ST8SIA2: variants seen among roughly 807,000 people sequenced by gnomAD.
ST8SIA2 encodes the protein alpha-2,8-sialyltransferase 8B.
In ST8SIA2, 22 loss-of-function variants were observed where a neutral mutation model predicts 37.6. The observed-to-expected ratio is 0.58, with a 90% confidence interval of 0.42 to 0.83. The LOEUF (loss-of-function observed/expected upper bound fraction) is 0.83. Ranked by LOEUF, ST8SIA2 falls within the 40% of genes least tolerant of loss-of-function variation. The pLI is 0.00. For missense variants in ST8SIA2, 382 were observed against 484.7 expected, an observed-to-expected ratio of 0.79 and a Z score of 1.99; for synonymous variants, 205 against 201.2, an observed-to-expected ratio of 1.02 and a Z score of -0.16.
Position 92,414,136 on chromosome 15 carries a change from G to C in ST8SIA2, c.99-15913G>C, listed in dbSNP as rs80225563. Among the ~76,000 whole-genome samples the C allele has an allele frequency of 1.7e-3, 252 of 152,328 alleles. 2 individuals carry two copies. Among genetic ancestry groups the C allele is most frequent in the African/African-American group, 5.7e-3 (239 of 41,572 alleles). ...GCCTTCTGCACAGCCTGAACGTCCTGATGGAATCTGCTGGAAATATTCAAA... is the reference window on the plus strand; with the variant it reads ...GCCTTCTGCACAGCCTGAACGTCCTCATGGAATCTGCTGGAAATATTCAAA... On this transcript the variant is annotated intron_variant, in intron 1 of 5. Transcript: ENST00000268164.
chr15:92,395,527 G>T (rs1197700302), intron 1 of ST8SIA2, among the ~76,000 whole-genome samples: 1 of 152,114 alleles, frequency 6.6e-6, no homozygotes, highest in Non-Finnish European at 1.5e-5. Context: ...CCCTCTCCCT[G>T]CCTCTTTCTC....
intron 1 of ST8SIA2, among the ~76,000 whole-genome samples, chr15:92,426,487 G>A (rs79466431): frequency 0.033 from 5,042 of 152,230 alleles, 279 homozygotes; most frequent in African/African-American, 0.11. Context: ...GTAAGAACTG[G>A]CATGGAAAAG....
intron 1 of ST8SIA2, among the ~76,000 whole-genome samples, chr15:92,399,608 A>G (rs1026941443): frequency 7.9e-6 from 1 of 127,100 alleles, no homozygotes; most frequent in East Asian, 2.2e-4. Flanking sequence ...TTTTTTTTTA[A>G]AAAAGCCCAT....
chr15:92,466,947 T>C lies in ST8SIA2; in HGVS notation c.*2562T>C, dbSNP rs1869774. Reference sequence around the variant, plus strand: ...TGGGTGGCCCCAGGGAGTCACACAGTCTGTACCCGGCCCCGAGATCCTCTG... The same window carrying C: ...TGGGTGGCCCCAGGGAGTCACACAGCCTGTACCCGGCCCCGAGATCCTCTG... On this transcript the variant is annotated 3_prime_UTR_variant, in exon 6 of 6. Coordinates refer to ENST00000268164, the MANE Select transcript of ST8SIA2 (RefSeq NM_006011.4). The C allele has an allele frequency of 0.75, 113,632 of 152,034 alleles. 43,178 individuals carry two copies. Among genetic ancestry groups the C allele is most frequent in the East Asian group, 0.93 (4,743 of 5,122 alleles). The allele number at this position is 152,034 out of a possible 1,614,324, so 9.4% of individuals were successfully genotyped here.
chr15:92,446,362 G>T (rs1324106552), intron 5 of ST8SIA2, among the ~76,000 whole-genome samples: 1 of 152,220 alleles, frequency 6.6e-6, no homozygotes, highest in Admixed American at 6.5e-5. Flanking sequence ...CAAGGCAGAA[G>T]CTGCATCACA....
chr15:92,443,087 TC>T (rs1318973767), intron 4 of ST8SIA2, among the ~76,000 whole-genome samples: 10 of 152,126 alleles, frequency 6.6e-5, no homozygotes, highest in Non-Finnish European at 4.4e-5. Context: ...CCACTTTTTC[TC>T]CCCAGTTGTT....
chr15:92,403,272 G>A (rs1398531183), intron 1 of ST8SIA2, among the ~76,000 whole-genome samples: 1 of 152,142 alleles, frequency 6.6e-6, no homozygotes, highest in Non-Finnish European at 1.5e-5. Flanking sequence ...TGACTCCATG[G>A]TCCATCTGGT....
At chr15:92,401,895 G>T (rs1162962368) in intron 1 of ST8SIA2, among the ~76,000 whole-genome samples, 1 of 145,366 alleles carries the variant, frequency 6.9e-6, no homozygotes, top group Non-Finnish European at 1.5e-5. Context: ...GAGGAGTGGT[G>T]ATCTGAAAGG....
At chr15:92,445,294 C>T (rs1208849134) in intron 5 of ST8SIA2, among the ~76,000 whole-genome samples, 1 of 152,138 alleles carries the variant, frequency 6.6e-6, no homozygotes, top group African/African-American at 2.4e-5. Flanking sequence ...TCAAGAAAAT[C>T]AGGATCAGAT....
At chr15:92,423,251 A>C (rs1044944857) in intron 1 of ST8SIA2, among the ~76,000 whole-genome samples, 1 of 152,088 alleles carries the variant, frequency 6.6e-6, no homozygotes, top group Non-Finnish European at 1.5e-5. Context: ...ACACCACCCA[A>C]CTGTACACTT....
At chr15:92,406,367 C>G (rs1405797345) in intron 1 of ST8SIA2, among the ~76,000 whole-genome samples, 1 of 152,174 alleles carries the variant, frequency 6.6e-6, no homozygotes, top group Non-Finnish European at 1.5e-5. Context: ...ATTTCAGGAC[C>G]ACACTTTGAG....
intron 5 of ST8SIA2, among the ~76,000 whole-genome samples, chr15:92,454,754 C>CA (rs1392042166): frequency 7.9e-4 from 120 of 152,252 alleles, no homozygotes; most frequent in African/African-American, 2.9e-3. Context: ...CTCTGCTGGC[C>CA]TGTGGGGTGG....
At chr15:92,429,870 C>A (rs1240011268) in intron 1 of ST8SIA2, among the ~76,000 whole-genome samples, 179 bp from the exon 2 acceptor site, 2 of 152,132 alleles carry the variant, frequency 1.3e-5, no homozygotes, top group African/African-American at 2.4e-5. Flanking sequence ...AGGTCCACAC[C>A]CTATAAAATG....
At chr15:92,428,615 A>G (rs1199074629) in intron 1 of ST8SIA2, among the ~76,000 whole-genome samples, 1 of 152,192 alleles carries the variant, frequency 6.6e-6, no homozygotes, top group Non-Finnish European at 1.5e-5. Context: ...CTGACCCGAC[A>G]TTCCCGGACC....
Position 92,394,181 on chromosome 15 carries a change from G to A in ST8SIA2, c.98+19G>A, listed in dbSNP as rs1295935442. On this transcript the variant is annotated intron_variant, in intron 1 of 5. Coordinates refer to ENST00000268164, the MANE Select transcript of ST8SIA2 (RefSeq NM_006011.4). The stretch of plus-strand genomic sequence containing the variant: ...AAATCGGGTAAATAGCTGCTCCCAG[G>A]CCCGTGCCACGAGCCCTGGCGGGAT... 2 of 1,546,780 alleles carry A rather than the reference G, an allele frequency of 1.3e-6. No individual in the cohort carries two copies. The highest frequency in any genetic ancestry group is 1.8e-6 in the Non-Finnish European group (2 of 1,142,454).
chr15:92,461,941 A>G (rs1596252325), intron 5 of ST8SIA2, among the ~76,000 whole-genome samples: 1 of 152,334 alleles, frequency 6.6e-6, no homozygotes, highest in African/African-American at 2.4e-5. Context: ...AGCCAGAGCC[A>G]TTGCCCTGTT....
intron 2 of ST8SIA2, among the ~76,000 whole-genome samples, chr15:92,432,336 T>G (rs2049722036): frequency 6.6e-6 from 1 of 152,158 alleles, no homozygotes; most frequent in Admixed American, 6.5e-5. Context: ...TGCATAGAAG[T>G]TGGTGGTATC....
chr15:92,402,240 C>T (rs2049477256), intron 1 of ST8SIA2, among the ~76,000 whole-genome samples: 1 of 152,194 alleles, frequency 6.6e-6, no homozygotes, highest in African/African-American at 2.4e-5. Flanking sequence ...TTTTCTTCCC[C>T]ATGGAGGCTG....
At chr15:92,427,712 AG>A (rs2049686960) in intron 1 of ST8SIA2, among the ~76,000 whole-genome samples, 1 of 152,182 alleles carries the variant, frequency 6.6e-6, no homozygotes, top group Admixed American at 6.5e-5. Flanking sequence ...GGCTGGGTGC[AG>A]TAGCTCCTCC....
Sources: gnomAD v4.1 joint callset for allele counts (sites outside exome capture counted in the v4.1 genomes callset) on GRCh38, gnomAD v4.1.1 for gene constraint, MANE v1.5 for transcripts, NCBI Gene and HGNC (gene_info 2026-07-23, HGNC 2026-07-21) for gene names.